CDKAL1: variants seen among roughly 807,000 people sequenced by gnomAD.
CDKAL1 encodes the protein CDKAL1 threonylcarbamoyladenosine tRNA methylthiotransferase.
Under a neutral mutation model 68.2 loss-of-function variants are expected in CDKAL1, and 32 were observed. That is an observed-to-expected ratio of 0.47 (90% CI 0.35 to 0.63). The LOEUF (loss-of-function observed/expected upper bound fraction) is 0.63. Among genes scored for constraint, CDKAL1 ranks in the 30% least tolerant of loss-of-function variants. The probability of loss-of-function intolerance (pLI) is 0.00; values close to 1 mark genes in which losing one functional copy is unlikely to be tolerated. For missense variants in CDKAL1, 606 were observed against 696.7 expected (o/e 0.87, Z 1.47); for synonymous variants, 234 against 244.3 (o/e 0.96, Z 0.39).
intron 5 of CDKAL1, among the ~76,000 whole-genome samples, chr6:20,693,055 G>A (rs955114547): frequency 1.3e-5 from 2 of 151,120 alleles, no homozygotes; most frequent in Non-Finnish European, 2.9e-5. Flanking sequence ...GCGTGAACCT[G>A]GGAGGCAGAG....
intron 4 of CDKAL1, chr6:20,559,765 A>C (rs775358237): frequency 6.6e-5 from 10 of 152,314 alleles, no homozygotes; most frequent in Non-Finnish European, 1.2e-4. Flanking sequence ...TAGAATTTTC[A>C]TGAGTCAGAT....
chr6:20,953,547 A>G (rs1764639286), intron 9 of CDKAL1, among the ~76,000 whole-genome samples: 1 of 152,186 alleles, frequency 6.6e-6, no homozygotes, highest in South Asian at 2.1e-4. Context: ...TTACTTAGCC[A>G]TCTCTTTTCC....
chr6:20,960,352 A>T (rs1764995268), intron 10 of CDKAL1, among the ~76,000 whole-genome samples: 1 of 152,206 alleles, frequency 6.6e-6, no homozygotes, highest in Admixed American at 6.5e-5. Flanking sequence ...CCGCATAGCC[A>T]GTTAGCCGCT....
At chr6:20,657,502 T>A (rs543988136) in intron 5 of CDKAL1, among the ~76,000 whole-genome samples, 1 of 152,200 alleles carries the variant, frequency 6.6e-6, no homozygotes, top group Non-Finnish European at 1.5e-5. Flanking sequence ...TGTTAAATAG[T>A]TGTTTTAAAT....
chr6:20,900,240 A>G (rs1196319951), intron 9 of CDKAL1, among the ~76,000 whole-genome samples: 2 of 152,244 alleles, frequency 1.3e-5, no homozygotes, highest in Non-Finnish European at 2.9e-5. Flanking sequence ...CTTATTAAAA[A>G]AAAGGGGGCA....
At chr6:21,019,440 A>G (rs1210086732) in intron 11 of CDKAL1, among the ~76,000 whole-genome samples, 1 of 152,166 alleles carries the variant, frequency 6.6e-6, no homozygotes, top group Non-Finnish European at 1.5e-5. Context: ...AAGATCCTGT[A>G]TGGCATTCTT....
intron 13 of CDKAL1, among the ~76,000 whole-genome samples, chr6:21,114,220 C>G (rs1423657610): frequency 4.1e-5 from 6 of 145,514 alleles, no homozygotes; most frequent in African/African-American, 1.0e-4. Flanking sequence ...TGCACTCTGG[C>G]CTGGGCAACA....
intron 5 of CDKAL1, among the ~76,000 whole-genome samples, chr6:20,659,001 T>G (rs1217850353): frequency 2.0e-5 from 3 of 149,170 alleles, no homozygotes; most frequent in Non-Finnish European, 3.0e-5. Flanking sequence ...ATTATTATTA[T>G]TTTTTTTTAG....
At position 20,548,615 on chromosome 6, in the gene CDKAL1, A is replaced by G. The variant is rs1763697011; in HGVS notation, c.196A>G (p.Ile66Val). The change falls in exon 4 of 16, where the codon ATT becomes GTT. Residue 66 changes from isoleucine (I) to valine (V), a missense_variant. Physicochemically the swap from Ile to Val is conservative, Grantham distance 29 (BLOSUM62 3). Coordinates refer to ENST00000274695, the MANE Select transcript of CDKAL1 (RefSeq NM_017774.3). ...SDSTIPGIQK[I>V]WIRTWGCSHN... The stretch of plus-strand genomic sequence containing the variant: ...CAGCACTATTCCAGGCATACAGAAA[A>G]TTTGGATACGAACATGGGGTTGTTC... 2 of 1,569,756 alleles carry G rather than the reference A, an allele frequency of 1.3e-6. No individual in the cohort carries two copies. The highest frequency in any genetic ancestry group is 2.7e-5 in the African/African-American group (2 of 73,356).
chr6:21,116,869 A>AT (rs1774438661), intron 13 of CDKAL1, among the ~76,000 whole-genome samples: 1 of 152,210 alleles, frequency 6.6e-6, no homozygotes, highest in Non-Finnish European at 1.5e-5. Context: ...GTCATTGGTT[A>AT]TATACTTCCT....
At chr6:20,561,466 A>AAAAAAAAAAAAC (rs1764266357) in intron 4 of CDKAL1, among the ~76,000 whole-genome samples, 1 of 149,848 alleles carries the variant, frequency 6.7e-6, no homozygotes, top group Non-Finnish European at 1.5e-5. Context: ...AAAAAAAAAA[A>AAAAAAAAAAAAC]AAAAAGAACA....
At chr6:20,967,791 T>C (rs1479564940) in intron 10 of CDKAL1, among the ~76,000 whole-genome samples, 1 of 152,252 alleles carries the variant, frequency 6.6e-6, no homozygotes, top group Non-Finnish European at 1.5e-5. Context: ...GAGGCAGATT[T>C]GCTAACAACT....
At chr6:20,682,221 T>C (rs1243650870) in intron 5 of CDKAL1, among the ~76,000 whole-genome samples, 1 of 150,372 alleles carries the variant, frequency 6.7e-6, no homozygotes, top group East Asian at 1.9e-4. Context: ...CTAGCTGTAA[T>C]AGTCTGTACT....
At chr6:21,183,190 T>C (rs989181224) in intron 13 of CDKAL1, among the ~76,000 whole-genome samples, 1 of 151,434 alleles carries the variant, frequency 6.6e-6, no homozygotes, top group Non-Finnish European at 1.5e-5. Flanking sequence ...CTGAAAAAAA[T>C]GAATTGCAGA....
In CDKAL1 at chr6:21,146,082, T is replaced by C. The variant is rs1776153907; in HGVS notation, c.1299+37619T>C. 3.3e-5 allele frequency among the ~76,000 whole-genome samples: 5 copies of C among 152,244 alleles called. No individual in the cohort carries two copies. In the South Asian group the frequency reaches 1.0e-3, roughly 32 times the overall value. On this transcript the variant is annotated intron_variant, in intron 13 of 15. Transcript: ENST00000274695. ...ATTGTACCCTTCTAAACTGCTAATA[T>C]CCAATGTTACATCCTCCTCCTCTCC...
intron 5 of CDKAL1, among the ~76,000 whole-genome samples, chr6:20,672,419 A>G (rs550877906): frequency 6.6e-5 from 10 of 150,642 alleles, no homozygotes; most frequent in African/African-American, 2.4e-4. Flanking sequence ...CAGTGGTGCA[A>G]TCTTGACTCA....
At chr6:21,089,196 A>C (rs927235501) in intron 12 of CDKAL1, among the ~76,000 whole-genome samples, 1 of 151,982 alleles carries the variant, frequency 6.6e-6, no homozygotes, top group African/African-American at 2.4e-5. Context: ...TACAGATAGG[A>C]CGGGTGTGGT....
Position 20,781,266 on chromosome 6 carries a change from G to T in CDKAL1, c.638+1G>T. 1 of 1,606,278 alleles carries T rather than the reference G, an allele frequency of 6.2e-7. No individual in the cohort carries two copies. Among genetic ancestry groups the T allele is most frequent in the Non-Finnish European group, 8.5e-7 (1 of 1,177,212 alleles). On this transcript the variant is annotated splice_donor_variant, in intron 8 of 15. Transcript: ENST00000274695. LOFTEE classifies it high-confidence loss of function. ...TAGAAATCATTTCCATCAATACCGG[G>T]TAAGCATCTCTCAAACTTGCTCATA...
chr6:21,053,135 C>A (rs1270774568), intron 11 of CDKAL1, among the ~76,000 whole-genome samples: 2 of 152,132 alleles, frequency 1.3e-5, no homozygotes, highest in Non-Finnish European at 2.9e-5. Context: ...TGGAGCCAAT[C>A]CCTGCTTCTA....
Sources: allele counts gnomAD v4.1 joint callset (sites outside exome capture counted in the v4.1 genomes callset), GRCh38; gene constraint gnomAD v4.1.1; transcripts MANE v1.5; gene names NCBI Gene and HGNC (gene_info 2026-07-23, HGNC 2026-07-21).